Variants in NAALADL2 observed in about 807,000 individuals in gnomAD.
The protein encoded by NAALADL2 is N-acetylated alpha-linked acidic dipeptidase like 2.
NAALADL2 carries 76 observed loss-of-function variants against 87.2 expected under a neutral mutation model. The observed-to-expected ratio is 0.87, with a 90% CI of 0.72 to 1.05. NAALADL2 has a LOEUF of 1.05. Ranked by LOEUF, NAALADL2 falls within the 50% of genes least tolerant of loss-of-function variation. The pLI, the probability that NAALADL2 is intolerant of heterozygous loss-of-function variation, is 0.00. For missense variants in NAALADL2, 1,089 were observed against 945.8 expected (o/e 1.15, Z -1.99); for synonymous variants, 354 against 331.0 (o/e 1.07, Z -0.75).
chr3:175,570,456 A>AT (rs530722215), intron 9 of NAALADL2, among the ~76,000 whole-genome samples: 4 of 152,146 alleles, frequency 2.6e-5, no homozygotes, highest in African/African-American at 7.2e-5. Flanking sequence ...GCAAGAAATC[A>AT]TTTTTTTAAC....
Position 175,804,523 on chromosome 3 carries a change from G to C in NAALADL2, c.*1320G>C, listed in dbSNP as rs1006576375. On this transcript the variant is annotated 3_prime_UTR_variant, in exon 14 of 14. Transcript: ENST00000454872. The stretch of plus-strand genomic sequence containing the variant: ...TTCTAATTTATCTTTAGAAATTTAT[G>C]TGAAAAATGGTTTTCCTATACTGGA... 3.3e-5 allele frequency: 5 copies of C among 151,836 alleles called. No homozygotes were observed. Among genetic ancestry groups the C allele is most frequent in the East Asian group, 1.9e-4 (1 of 5,158 alleles). 9.4% of individuals were successfully genotyped at this position (151,836 alleles called of 1,614,324 possible).
chr3:175,197,468 A>T (rs978055432), intron 2 of NAALADL2, among the ~76,000 whole-genome samples: 8 of 151,946 alleles, frequency 5.3e-5, no homozygotes, highest in Non-Finnish European at 8.8e-5. Context: ...ATCACCAAAA[A>T]TTTTTCCAAT....
At chr3:175,549,548 A>G (rs1560741335) in intron 9 of NAALADL2, among the ~76,000 whole-genome samples, 1 of 152,084 alleles carries the variant, frequency 6.6e-6, no homozygotes, top group East Asian at 1.9e-4. Flanking sequence ...AGAGATGACA[A>G]TACAGCTTTT....
At chr3:175,661,640 T>C (rs1732273414) in intron 11 of NAALADL2, among the ~76,000 whole-genome samples, 1 of 152,106 alleles carries the variant, frequency 6.6e-6, no homozygotes, top group Admixed American at 6.6e-5. Flanking sequence ...TACGTTTAAG[T>C]CTTTAATTCA....
chr3:175,583,906 T>G (rs751356666), intron 10 of NAALADL2, among the ~76,000 whole-genome samples: 3 of 152,142 alleles, frequency 2.0e-5, no homozygotes, highest in Non-Finnish European at 2.9e-5. Context: ...GCAAGGAAAA[T>G]TATATTGAAC....
chr3:175,221,785 A>ATTTATTTATTTT (rs1402981942), intron 2 of NAALADL2, among the ~76,000 whole-genome samples: 26 of 150,616 alleles, frequency 1.7e-4, no homozygotes, highest in African/African-American at 4.9e-4. Flanking sequence ...TTATTTATTT[A>ATTTATTTATTTT]TTTTTTTGGA....
chr3:174,747,641 A>AAT (rs1180606162), intron 3 of NAALADL2, among the ~76,000 whole-genome samples: 1 of 150,862 alleles, frequency 6.6e-6, no homozygotes, highest in Non-Finnish European at 1.5e-5. Flanking sequence ...AAAAAAAAAA[A>AAT]AAAAAGAAAG....
At chr3:175,779,113 C>T (rs1189354297) in intron 13 of NAALADL2, among the ~76,000 whole-genome samples, 1 of 152,156 alleles carries the variant, frequency 6.6e-6, no homozygotes, top group Non-Finnish European at 1.5e-5. Flanking sequence ...ATAAGATTGG[C>T]TTGTTAGTTC....
At chr3:175,754,385 C>T (rs1746990757) in intron 12 of NAALADL2, among the ~76,000 whole-genome samples, 1 of 152,152 alleles carries the variant, frequency 6.6e-6, no homozygotes, top group Non-Finnish European at 1.5e-5. Context: ...CCTGTGGAGC[C>T]TTTGCTACCA....
intron 5 of NAALADL2, among the ~76,000 whole-genome samples, chr3:175,422,315 G>A (rs1220585064): frequency 6.6e-6 from 1 of 152,056 alleles, no homozygotes; most frequent in African/African-American, 2.4e-5. Flanking sequence ...AGAATGAGGA[G>A]AGTTGGAAAA....
At chr3:175,561,008 T>A (rs1414369166) in intron 9 of NAALADL2, among the ~76,000 whole-genome samples, 1 of 152,216 alleles carries the variant, frequency 6.6e-6, no homozygotes, top group Non-Finnish European at 1.5e-5. Flanking sequence ...CTTATACGAT[T>A]TGAATAATGT....
At chr3:175,203,936 G>A (rs1740443249) in intron 2 of NAALADL2, among the ~76,000 whole-genome samples, 1 of 152,158 alleles carries the variant, frequency 6.6e-6, no homozygotes, top group African/African-American at 2.4e-5. Flanking sequence ...CAAGCAATGA[G>A]ATTGAAATGG....
In NAALADL2 at chr3:174,698,732, C is replaced by T. The variant is rs1020474291; in HGVS notation, c.-114-38909C>T. On this transcript the variant is annotated intron_variant, in intron 2 of 3. Coordinates refer to the NAALADL2 transcript ENST00000434257. The stretch of plus-strand genomic sequence containing the variant: ...ACAAAAAATTAGCCGGGCGTAGTGG[C>T]GGGCGCCTTTAGTCCCAGCTACTTG... 4.1e-4 allele frequency among the ~76,000 whole-genome samples: 55 copies of T among 133,462 alleles called. 4 individuals are homozygous for T. The highest frequency in any genetic ancestry group is 7.1e-4 in the Non-Finnish European group (47 of 66,324). The allele number at this position is 133,462 out of a possible 152,430, so 87.6% of individuals were successfully genotyped here.
At chr3:175,051,153 G>A (rs1210770815) in intron 1 of NAALADL2, among the ~76,000 whole-genome samples, 1 of 152,146 alleles carries the variant, frequency 6.6e-6, no homozygotes, top group Non-Finnish European at 1.5e-5. Context: ...TTTCATAGAT[G>A]ATGTGTATGG....
chr3:175,765,405 A>AT (rs1037942310), intron 13 of NAALADL2, among the ~76,000 whole-genome samples: 8 of 152,118 alleles, frequency 5.3e-5, no homozygotes, highest in African/African-American at 1.9e-4. Context: ...TTCAAGCCTC[A>AT]TTTTTTTCAC....
chr3:175,275,388 C>CT (rs202220008), intron 4 of NAALADL2, among the ~76,000 whole-genome samples: 1 of 151,912 alleles, frequency 6.6e-6, no homozygotes, highest in African/African-American at 2.4e-5. Context: ...TTAATCAAGA[C>CT]TTTTTTTTCT....
chr3:174,828,162 AAC>A (rs1722207126), intron 3 of NAALADL2, among the ~76,000 whole-genome samples: 1 of 151,502 alleles, frequency 6.6e-6, no homozygotes, highest in African/African-American at 2.4e-5. Context: ...CTCTGAAACC[AAC>A]CACACACAAC....
intron 5 of NAALADL2, among the ~76,000 whole-genome samples, chr3:175,334,651 GA>G (rs763870847): frequency 6.6e-5 from 10 of 151,972 alleles, no homozygotes; most frequent in Non-Finnish European, 1.5e-4. Flanking sequence ...TTCCCCACTT[GA>G]AAGTTATTCT....
chr3:175,722,876 C>G (rs992869732), intron 11 of NAALADL2, among the ~76,000 whole-genome samples: 1 of 152,102 alleles, frequency 6.6e-6, no homozygotes, highest in Non-Finnish European at 1.5e-5. Context: ...CTTTATCAGA[C>G]CAGTGTGCTA....
Sources: allele counts gnomAD v4.1 joint callset (sites outside exome capture counted in the v4.1 genomes callset), GRCh38; gene constraint gnomAD v4.1.1; transcripts MANE v1.5; gene names NCBI Gene and HGNC (gene_info 2026-07-23, HGNC 2026-07-21).